Variants in NUP85 observed in about 807,000 individuals in gnomAD.
NUP85 encodes the protein nuclear pore complex protein Nup85.
Under a neutral mutation model 92.8 loss-of-function variants are expected in NUP85, and 23 were observed. The ratio of observed to expected loss-of-function variants is 0.25; its 90% CI spans 0.18 to 0.35. NUP85 has a LOEUF of 0.35. NUP85 is among the 10% of genes least tolerant of loss of function. The pLI, the probability that NUP85 is intolerant of heterozygous loss-of-function variation, is 1.00. For synonymous variants in NUP85, 314 were observed against 306.9 expected, an observed-to-expected ratio of 1.02 and a Z score of -0.24; for missense variants, 759 against 822.8, an observed-to-expected ratio of 0.92 and a Z score of 0.95.
chr17:75,217,970 A>G (rs184501838), intron 6 of NUP85, among the ~76,000 whole-genome samples: 2 of 152,286 alleles, frequency 1.3e-5, no homozygotes, highest in Non-Finnish European at 2.9e-5. Flanking sequence ...GGTCAGTTAA[A>G]GATGGAGCTG....
Position 75,235,675 on chromosome 17 carries a change from C to T in NUP85, c.1967C>T (p.Ser656Phe), listed in dbSNP as rs1175556193. Reference sequence around the variant, plus strand: ...ATAAGAGAAGGCTCACTGGAAGGTTCCTGAGAACTGCTTCAATGTGGTATC... The same window carrying T: ...ATAAGAGAAGGCTCACTGGAAGGTTTCTGAGAACTGCTTCAATGTGGTATC... ...AIIREGSLEGS is the reference protein window; with the variant it reads ...AIIREGSLEGF The change falls in exon 19 of 19, where the codon TCC (serine) becomes TTC (phenylalanine). Residue 656 changes from serine to phenylalanine, a missense_variant. Transcript: ENST00000245544. 6.2e-7 allele frequency: 1 copy of T among 1,608,808 alleles called. No homozygotes were observed. Among genetic ancestry groups the T allele is most frequent in the Non-Finnish European group, 8.5e-7 (1 of 1,175,168 alleles).
intron 1 of NUP85, 157 bp from the exon 2 acceptor site, chr17:75,208,370 A>G: frequency 1.6e-6 from 1 of 624,364 alleles, no homozygotes; most frequent in Non-Finnish European, 2.9e-6. Context: ...CTTTGAACCC[A>G]GGAGGCGGCG....
At chr17:75,209,783 C>T (rs779317804) in intron 2 of NUP85, 40 bp from the exon 3 acceptor site, 2 of 1,532,642 alleles carry the variant, frequency 1.3e-6, no homozygotes, top group South Asian at 2.5e-5. Flanking sequence ...TGGAGATGAT[C>T]ATAATAGATG....
chr17:75,232,254 G>A, intron 14 of NUP85: 1 of 442,314 alleles, frequency 2.3e-6, no homozygotes, highest in Non-Finnish European at 4.2e-6. Context: ...CGAGGTCAGG[G>A]CTGGGGTTGG....
At chr17:75,208,280 GAAAA>G (rs56256592) in intron 1 of NUP85, 32 of 304,152 alleles carry the variant, frequency 1.1e-4, no homozygotes, top group Non-Finnish European at 1.3e-4. Flanking sequence ...TACTAAAAAT[GAAAA>G]AAAAAAAAAA....
intron 4 of NUP85, among the ~76,000 whole-genome samples, 166 bp downstream of exon 4, chr17:75,212,228 G>GTTT (rs768963282): frequency 1.2e-5 from 1 of 84,564 alleles, no homozygotes; most frequent in Non-Finnish European, 2.2e-5. Flanking sequence ...ATCATTTAGA[G>GTTT]GTTTTTTTTT....
At chr17:75,234,322 G>T (rs1043101053) in intron 16 of NUP85, among the ~76,000 whole-genome samples, 1 of 152,172 alleles carries the variant, frequency 6.6e-6, no homozygotes, top group East Asian at 1.9e-4. Flanking sequence ...AAAGTGCTGG[G>T]GTTACAGGCA....
rs1365491665 is a variant in NUP85, at chr17:75,231,964, C to A, written c.1381C>A (p.Gln461Lys). 3 of 1,614,182 alleles carry A rather than the reference C, an allele frequency of 1.9e-6. No individual in the cohort carries two copies. In the African/African-American group the frequency reaches 4.0e-5, roughly 22 times the overall value. Residue 461 changes from glutamine (Q) to lysine (K), a missense_variant, in exon 14 of 19, where the codon CAG becomes AAG. Coordinates refer to ENST00000245544, the MANE Select transcript of NUP85 (RefSeq NM_024844.5). The surrounding 1 kb of genome is among the most constrained non-coding windows in gnomAD (Gnocchi z 4.6). ...GGTGCTGCGGATCTGTGAGCAGCGG[C>A]AGATGACTGAACAAGGTGAGCTGGC... Reference protein sequence around the residue: ...LKVLRICEQRQMTEQVRSICK... With the variant: ...LKVLRICEQRKMTEQVRSICK...
At chr17:75,207,213 C>T (rs556512617) in intron 1 of NUP85, among the ~76,000 whole-genome samples, 1 of 149,676 alleles carries the variant, frequency 6.7e-6, no homozygotes, top group African/African-American at 2.5e-5. Flanking sequence ...GGCGGAGTTT[C>T]CCTCTTGTCG....
Position 75,225,107 on chromosome 17 carries a change from C to A in NUP85, c.602C>A (p.Thr201Asn). Residue 201 changes from threonine to asparagine, a missense_variant, in exon 8 of 19, where the codon ACC (threonine) becomes AAC (asparagine). Transcript: ENST00000245544. Reference protein sequence around the residue: ...SKHDSFWNLVTILVLQGRLDE... With the variant: ...SKHDSFWNLVNILVLQGRLDE... ...TGGGCCCGGATCTCCTCCCAGGTGA[C>A]CATCTTGGTGCTGCAGGGCCGGCTG... 1 of 1,553,350 alleles carries A rather than the reference C, an allele frequency of 6.4e-7. No homozygotes were observed. Among genetic ancestry groups the A allele is most frequent in the Non-Finnish European group, 8.7e-7 (1 of 1,147,268 alleles).
Position 75,231,612 on chromosome 17 carries a change from C to T in NUP85, c.1218C>T (p.Tyr406=), listed in dbSNP as rs781131003. 1.5e-5 allele frequency: 25 copies of T among 1,614,072 alleles called. No homozygotes were observed. The highest frequency in any genetic ancestry group is 6.7e-5 in the East Asian group (3 of 44,892). ...SNMREFLLLE[Y]ASGLFAHPSL... is the part of the protein sequence containing the mutation. ...TGAGAGAGTTCCTCCTGCTGGAGTA[C>T]GCCTCGGGACTGTTTGCTCATCCCA... The change falls in exon 13 of 19, where the codon TAC becomes TAT. Residue 406 remains tyrosine, a synonymous_variant. Coordinates refer to ENST00000245544, the MANE Select transcript of NUP85 (RefSeq NM_024844.5). The surrounding 1 kb of genome is among the most constrained non-coding windows in gnomAD (Gnocchi z 4.6).
chr17:75,205,680 T>A lies in NUP85; in HGVS notation c.-82T>A, dbSNP rs1316079445. On this transcript the variant is annotated 5_prime_UTR_variant, in exon 1 of 19. Transcript: ENST00000245544. ...CAGGAGACGCCCAGGCGGAGTCTTGTCTCGCAGCCAGCTCTGAGCGGGAGG... is the reference window on the plus strand; with the variant it reads ...CAGGAGACGCCCAGGCGGAGTCTTGACTCGCAGCCAGCTCTGAGCGGGAGG... 4.5e-6 allele frequency: 7 copies of A among 1,562,878 alleles called. No individual in the cohort carries two copies. Among genetic ancestry groups the A allele is most frequent in the Non-Finnish European group, 6.2e-6 (7 of 1,134,412 alleles).
At chr17:75,228,129 G>C (rs2145377306) in intron 11 of NUP85, 1 of 928,790 alleles carries the variant, frequency 1.1e-6, no homozygotes, top group East Asian at 1.2e-4. Flanking sequence ...TTTCACCAGG[G>C]CTTCCTAATT....
chr17:75,226,125 G>A lies in NUP85; in HGVS notation c.1062G>A (p.Glu354=), dbSNP rs769366690. The change falls in exon 11 of 19, where the codon GAG becomes GAA. Residue 354 remains glutamate, a synonymous_variant. Coordinates refer to ENST00000245544, the MANE Select transcript of NUP85 (RefSeq NM_024844.5). ...ACAACATCTTGTTGGCAGCCTTTGA[G>A]TTTGACATCCATCAAGTAATCAAAG... ...PLDNILLAAF[E]FDIHQVIKEC... 6.8e-6 allele frequency: 11 copies of A among 1,613,974 alleles called. No individual in the cohort carries two copies. Among genetic ancestry groups the A allele is most frequent in the Middle Eastern group, 1.6e-4 (1 of 6,084 alleles).
At chr17:75,217,373 ATTTTTTT>A (rs60288170) in intron 6 of NUP85, among the ~76,000 whole-genome samples, 1 of 148,728 alleles carries the variant, frequency 6.7e-6, no homozygotes, top group African/African-American at 2.5e-5. Context: ...CTAATTTTTT[ATTTTTTT>A]TTGTAGAGAT....
chr17:75,213,323 C>T (rs1721636623), intron 5 of NUP85, among the ~76,000 whole-genome samples: 1 of 150,094 alleles, frequency 6.7e-6, no homozygotes, highest in East Asian at 1.9e-4. Context: ...AGTGAATGTT[C>T]GGTTCCTTTT....
chr17:75,225,655 C>T (rs756391582), intron 9 of NUP85, 43 bp from the exon 10 acceptor site: 1 of 1,610,208 alleles, frequency 6.2e-7, no homozygotes, highest in Non-Finnish European at 8.5e-7. Flanking sequence ...GAGAAGGTAC[C>T]CCTGAGAGGA....
At chr17:75,206,298 A>T (rs1199387250) in intron 1 of NUP85, among the ~76,000 whole-genome samples, 7 of 151,894 alleles carry the variant, frequency 4.6e-5, no homozygotes, top group South Asian at 4.2e-4. Flanking sequence ...TGATGTGTAT[A>T]AAAAAAATTC....
intron 5 of NUP85, among the ~76,000 whole-genome samples, chr17:75,213,549 T>C (rs990454073): frequency 6.6e-6 from 1 of 152,044 alleles, no homozygotes; most frequent in Non-Finnish European, 1.5e-5. Flanking sequence ...CGCCTCGACC[T>C]CCCAAAGTGG....
Sources: allele counts gnomAD v4.1 joint callset (sites outside exome capture counted in the v4.1 genomes callset), GRCh38; gene constraint gnomAD v4.1.1; non-coding constraint Gnocchi (gnomAD v3.1); transcripts MANE v1.5; gene names NCBI Gene and HGNC (gene_info 2026-07-23, HGNC 2026-07-21).